SERPINI1: variants seen among roughly 807,000 people sequenced by gnomAD.
The protein encoded by SERPINI1 is neuroserpin.
In SERPINI1, 19 loss-of-function variants were observed where a neutral mutation model predicts 41.1. The ratio of observed to expected loss-of-function variants is 0.46; its 90% CI spans 0.32 to 0.68. The LOEUF is 0.68. Ranked by LOEUF, SERPINI1 falls within the 30% of genes least tolerant of loss-of-function variation. SERPINI1 has a pLI of 0.03. For missense variants in SERPINI1, 460 were observed against 479.2 expected, an observed-to-expected ratio of 0.96 and a Z score of 0.37; for synonymous variants, 138 against 156.6, an observed-to-expected ratio of 0.88 and a Z score of 0.89.
intron 6 of SERPINI1, among the ~76,000 whole-genome samples, chr3:167,816,898 G>C (rs1712111150): frequency 6.6e-6 from 1 of 152,014 alleles, no homozygotes. Flanking sequence ...TGTTGAGGCT[G>C]TTTCAGTTCA....
intron 1 of SERPINI1, among the ~76,000 whole-genome samples, chr3:167,784,944 T>G (rs1727260652): frequency 6.6e-6 from 1 of 152,158 alleles, no homozygotes; most frequent in Non-Finnish European, 1.5e-5. Context: ...TAACTTGTTG[T>G]TAAAATGAGT....
intron 1 of SERPINI1, among the ~76,000 whole-genome samples, chr3:167,766,748 G>A (rs572315710): frequency 1.3e-5 from 2 of 152,310 alleles, no homozygotes; most frequent in African/African-American, 4.8e-5. Flanking sequence ...GATCAAACCA[G>A]CCATAAAATT....
At chr3:167,742,818 T>TTGTGTG (rs10576293) in intron 1 of SERPINI1, among the ~76,000 whole-genome samples, 1,932 of 145,058 alleles carry the variant, frequency 0.013, 33 homozygotes, top group African/African-American at 0.044. Flanking sequence ...TTGTGCCGTT[T>TTGTGTG]TGTGTGTGTG....
intron 1 of SERPINI1, among the ~76,000 whole-genome samples, chr3:167,772,530 T>C (rs1483315193): frequency 6.6e-6 from 1 of 151,946 alleles, no homozygotes; most frequent in Admixed American, 6.6e-5. Flanking sequence ...TCTTATGGAG[T>C]AAAATCCATG....
intron 1 of SERPINI1, among the ~76,000 whole-genome samples, chr3:167,757,731 T>A (rs747489380): frequency 3.3e-5 from 5 of 152,012 alleles, no homozygotes; most frequent in Non-Finnish European, 5.9e-5. Context: ...CCAGCCTGAC[T>A]AACATGGCAA....
intron 1 of SERPINI1, among the ~76,000 whole-genome samples, chr3:167,779,887 G>A (rs1233573500): frequency 6.6e-6 from 1 of 151,962 alleles, no homozygotes; most frequent in East Asian, 1.9e-4. Flanking sequence ...GTAACTAGAG[G>A]GAGAGGCAAA....
intron 1 of SERPINI1, among the ~76,000 whole-genome samples, chr3:167,770,698 TC>T (rs1726720273): frequency 6.6e-6 from 1 of 152,212 alleles, no homozygotes; most frequent in South Asian, 2.1e-4. Flanking sequence ...CTAGTCTTTT[TC>T]CACAATTGTC....
chr3:167,753,802 C>T (rs1244073101), intron 1 of SERPINI1, among the ~76,000 whole-genome samples: 1 of 152,110 alleles, frequency 6.6e-6, no homozygotes, highest in Non-Finnish European at 1.5e-5. Context: ...TATCAGAAGA[C>T]TATCAGTGTT....
chr3:167,744,647 AAT>A (rs1376590480), intron 1 of SERPINI1, among the ~76,000 whole-genome samples: 22 of 131,212 alleles, frequency 1.7e-4, no homozygotes, highest in Middle Eastern at 7.3e-3. Context: ...TTTATATATA[AAT>A]ATATATAAAT....
chr3:167,747,959 G>A (rs551384024), intron 1 of SERPINI1, among the ~76,000 whole-genome samples: 5 of 150,826 alleles, frequency 3.3e-5, no homozygotes, highest in East Asian at 1.9e-4. Context: ...ATTTCAAAAT[G>A]AAGGCAAGGA....
intron 1 of SERPINI1, among the ~76,000 whole-genome samples, chr3:167,752,894 T>A (rs1223453250): frequency 1.3e-5 from 2 of 152,158 alleles, no homozygotes; most frequent in African/African-American, 4.8e-5. Flanking sequence ...TAACACTTGC[T>A]TAGAGAGGCC....
chr3:167,762,805 A>C (rs1424303634), intron 1 of SERPINI1, among the ~76,000 whole-genome samples: 1 of 151,982 alleles, frequency 6.6e-6, no homozygotes, highest in Non-Finnish European at 1.5e-5. Context: ...ACATTCTAAT[A>C]TTCTACATGA....
intron 1 of SERPINI1, among the ~76,000 whole-genome samples, chr3:167,759,634 G>GT (rs1344316732): frequency 2.0e-5 from 3 of 151,994 alleles, no homozygotes; most frequent in African/African-American, 7.3e-5. Context: ...ACTGGGGAAG[G>GT]TGAAAGGGGG....
chr3:167,744,779 TAA>T (rs1725806472), intron 1 of SERPINI1, among the ~76,000 whole-genome samples: 1 of 112,352 alleles, frequency 8.9e-6, no homozygotes, highest in Non-Finnish European at 1.8e-5. Flanking sequence ...ATATTATATA[TAA>T]CTATGGTTAT....
At chr3:167,783,207 T>C (rs547234559) in intron 1 of SERPINI1, among the ~76,000 whole-genome samples, 1 of 152,112 alleles carries the variant, frequency 6.6e-6, no homozygotes, top group East Asian at 1.9e-4. Flanking sequence ...AGAACTGCCA[T>C]TGTGGCCATG....
At chr3:167,792,050 A>G (rs1404524778) in intron 3 of SERPINI1, among the ~76,000 whole-genome samples, 2 of 152,148 alleles carry the variant, frequency 1.3e-5, no homozygotes, top group Non-Finnish European at 2.9e-5. Context: ...ACTTGAACCC[A>G]GGAGACAGAG....
chr3:167,790,782 T>G (rs1053728748), intron 3 of SERPINI1, among the ~76,000 whole-genome samples, 180 bp downstream of exon 3: 1 of 152,164 alleles, frequency 6.6e-6, no homozygotes, highest in Non-Finnish European at 1.5e-5. Flanking sequence ...GAATGAACAT[T>G]TGAGAAAGAA....
At chr3:167,802,267 T>C (rs1345784653) in intron 5 of SERPINI1, among the ~76,000 whole-genome samples, 1 of 151,870 alleles carries the variant, frequency 6.6e-6, no homozygotes, top group Non-Finnish European at 1.5e-5. Flanking sequence ...AAAGCCAAAA[T>C]TGACAAATGG....
chr3:167,759,207 T>C (rs983757080), intron 1 of SERPINI1, among the ~76,000 whole-genome samples: 4 of 152,000 alleles, frequency 2.6e-5, no homozygotes, highest in Non-Finnish European at 5.9e-5. Flanking sequence ...GTTCCAGAGA[T>C]TTCTCAAAGA....
Sources: gnomAD v4.1 joint callset for allele counts (sites outside exome capture counted in the v4.1 genomes callset) on GRCh38, gnomAD v4.1.1 for gene constraint, MANE v1.5 for transcripts, NCBI Gene and HGNC (gene_info 2026-07-23, HGNC 2026-07-21) for gene names.